Variants in ADAMTS9 observed in about 807,000 individuals in gnomAD.
ADAMTS9 encodes ADAM metallopeptidase with thrombospondin type 1 motif 9, also known as A disintegrin and metalloproteinase with thrombospondin motifs 9.
ADAMTS9 carries 107 observed loss-of-function variants against 257.1 expected under a neutral mutation model. The ratio of observed to expected loss-of-function variants is 0.42; its 90% CI spans 0.36 to 0.49. The LOEUF (loss-of-function observed/expected upper bound fraction) is 0.49. ADAMTS9 is among the 20% of genes least tolerant of loss of function. ADAMTS9 has a pLI of 0.03. For missense variants in ADAMTS9, 2,353 were observed against 2,469.1 expected, an observed-to-expected ratio of 0.95 and a Z score of 1.00; for synonymous variants, 982 against 880.9, an observed-to-expected ratio of 1.11 and a Z score of -2.03.
Position 64,533,199 on chromosome 3 carries a change from C to T in ADAMTS9, c.5685G>A (p.Gly1895=). The change falls in exon 38 of 40, where the codon GGG becomes GGA. Residue 1895 remains glycine (G), a synonymous_variant. Transcript: ENST00000498707. ...LTESARWISQ[G]NYAVSDIKKS... ...TCTTGATGTCAGAGACAGCATAATT[C>T]CCTTGTGATATCCATCTGGCAGATT... 1 of 1,614,120 alleles carries T rather than the reference C, an allele frequency of 6.2e-7. No homozygotes were observed. Among genetic ancestry groups the T allele is most frequent in the Non-Finnish European group, 8.5e-7 (1 of 1,179,992 alleles).
Position 64,550,989 on chromosome 3 carries a change from T to C in ADAMTS9, c.4772A>G (p.His1591Arg), listed in dbSNP as rs548709385. The change falls in exon 31 of 40, where the codon CAT becomes CGT. Residue 1591 changes from histidine (H) to arginine (R), a missense_variant. Around this residue, in one of 3 missense-constraint regions of ADAMTS9, gnomAD observed 1,402 missense variants for 1,441.4 expected, o/e 0.97. Transcript: ENST00000498707. Reference sequence around the variant, plus strand: ...CTTGCTCACGTCACAGCGTGCCCCATGCACCTCGTTTTTGTTGTCATCCAC... The same window carrying C: ...CTTGCTCACGTCACAGCGTGCCCCACGCACCTCGTTTTTGTTGTCATCCAC... ...VCVDDNKNEV[H>R]GARCDVSKRP... The C allele has an allele frequency of 7.9e-5, 128 of 1,614,106 alleles. No individual in the cohort carries two copies. In the South Asian group the frequency reaches 1.0e-3, roughly 13 times the overall value.
In ADAMTS9 at chr3:64,533,283, A is replaced by T; in HGVS notation, c.5614-13T>A. 6.2e-7 allele frequency: 1 copy of T among 1,609,276 alleles called. No individual in the cohort carries two copies. The highest frequency in any genetic ancestry group is 8.5e-7 in the Non-Finnish European group (1 of 1,175,646). On this transcript the variant is annotated splice_polypyrimidine_tract_variant and intron_variant, in intron 37 of 39. Coordinates refer to ENST00000498707, the MANE Select transcript of ADAMTS9 (RefSeq NM_182920.2). ...TGCTAAAACGACCCTGGAAAACACG[A>T]CCAACAAAAGAGATTTTCAGTCCAT... is the stretch of plus-strand genomic sequence containing the variant.
At chr3:64,629,729 T>A (rs1234141954) in intron 16 of ADAMTS9, among the ~76,000 whole-genome samples, 1 of 152,110 alleles carries the variant, frequency 6.6e-6, no homozygotes, top group Non-Finnish European at 1.5e-5. Context: ...AGACACAAAT[T>A]TTTTTTTATC....
intron 22 of ADAMTS9, among the ~76,000 whole-genome samples, chr3:64,609,135 C>A (rs1320299255): frequency 2.0e-5 from 3 of 151,814 alleles, no homozygotes; most frequent in Non-Finnish European, 2.9e-5. Context: ...TCATAAAGAG[C>A]AGTTAGGAAA....
At chr3:64,654,677 T>G in intron 6 of ADAMTS9, 65 bp from the exon 7 acceptor site, 1 of 1,568,842 alleles carries the variant, frequency 6.4e-7, no homozygotes, top group Non-Finnish European at 8.8e-7. Context: ...AAGTAAATAC[T>G]TTAGGGTCGT....
At chr3:64,561,817 C>A in intron 29 of ADAMTS9, 66 bp from the exon 30 acceptor site, 4 of 1,417,274 alleles carry the variant, frequency 2.8e-6, no homozygotes, top group Non-Finnish European at 2.9e-6. Flanking sequence ...CGGGGGGTGT[C>A]GAGGGTCACA....
At chr3:64,594,653 T>C (rs1651533643) in intron 27 of ADAMTS9, among the ~76,000 whole-genome samples, 1 of 152,234 alleles carries the variant, frequency 6.6e-6, no homozygotes, top group Non-Finnish European at 1.5e-5. Flanking sequence ...TTCTCTTAAC[T>C]TGCACTGAGG....
At position 64,541,971 on chromosome 3, in the gene ADAMTS9, C is replaced by T. The variant is rs1428287970; in HGVS notation, c.5065-1G>A. The T allele has an allele frequency of 8.1e-6, 13 of 1,613,840 alleles. No homozygotes were observed. The highest frequency in any genetic ancestry group is 1.7e-6 in the Non-Finnish European group (2 of 1,179,954). On this transcript the variant is annotated splice_acceptor_variant, in intron 32 of 39. Coordinates refer to ENST00000498707, the MANE Select transcript of ADAMTS9 (RefSeq NM_182920.2). LOFTEE classifies it high-confidence loss of function. Reference sequence around the variant, plus strand: ...CTCCAACACCACAAGACACTGAGCACTGTAAGACAAATGAGAGTCAGCGGT... The same window carrying T: ...CTCCAACACCACAAGACACTGAGCATTGTAAGACAAATGAGAGTCAGCGGT...
chr3:64,589,605 A>G lies in ADAMTS9; in HGVS notation c.4356+4653T>C, dbSNP rs2084221896. 4 of 152,294 alleles carry G rather than the reference A, an allele frequency of 2.6e-5. No homozygotes were observed. The South Asian group carries it at 8.3e-4, about 32-fold the overall frequency. The allele number at this position is 152,294 out of a possible 1,614,324, so 9.4% of individuals were successfully genotyped here. ...CTATTGTTATCTTCATTTCCTTTGG[A>G]GAAGTTATCTTATTTCTCACCTTAT... On this transcript the variant is annotated intron_variant, in intron 28 of 39. Transcript: ENST00000498707.
Position 64,646,772 on chromosome 3 carries a change from T to C in ADAMTS9, c.1710+1168A>G, listed in dbSNP as rs138220892. On this transcript the variant is annotated intron_variant, in intron 11 of 39. Transcript: ENST00000498707. ...CTTCCTCTTTGACCAGCAGAAACTA[T>C]AGGAGCTCAGTGAGCTTCAGTTAGG... is the stretch of plus-strand genomic sequence containing the variant. Among the ~76,000 whole-genome samples, 466 of 152,302 alleles carry C rather than the reference T, an allele frequency of 3.1e-3. 3 individuals are homozygous for C. The highest frequency in any genetic ancestry group is 0.011 in the African/African-American group (453 of 41,558).
chr3:64,631,980 G>C (rs1700377303), intron 14 of ADAMTS9, 55 bp from the exon 15 acceptor site: 1 of 1,294,302 alleles, frequency 7.7e-7, no homozygotes, highest in Non-Finnish European at 1.1e-6. Flanking sequence ...ATTATAAAAT[G>C]GCAAATAATG....
intron 24 of ADAMTS9, 22 bp from the exon 25 acceptor site, chr3:64,604,111 T>G (rs758612431): frequency 1.9e-6 from 3 of 1,613,500 alleles, no homozygotes; most frequent in Non-Finnish European, 1.7e-6. Context: ...AGTAAAATCA[T>G]GCAGTTATAT....
intron 32 of ADAMTS9, among the ~76,000 whole-genome samples, chr3:64,543,568 CACTTCATG>C (rs1488840261): frequency 1.3e-5 from 2 of 152,178 alleles, no homozygotes; most frequent in Non-Finnish European, 2.9e-5. Context: ...AATTCAACAG[CACTTCATG>C]CTAAAAACTC....
At position 64,681,484 on chromosome 3, in the gene ADAMTS9, G is replaced by T; in HGVS notation, c.517-121C>A. ...TTTACCCAATCTCTTTTTCAGGAGG[G>T]TTGTTTCAACTGAAAATGCTGCAAC... is the stretch of plus-strand genomic sequence containing the variant. On this transcript the variant is annotated intron_variant, in intron 2 of 39. Transcript: ENST00000498707. 2.8e-6 allele frequency: 3 copies of T among 1,072,370 alleles called. 1 individual carries two copies. In the South Asian group the frequency reaches 5.6e-5, roughly 20 times the overall value. 66.4% of individuals were successfully genotyped at this position (1,072,370 alleles called of 1,614,324 possible).
At chr3:64,630,146 T>C (rs573652031) in intron 16 of ADAMTS9, among the ~76,000 whole-genome samples, 1 of 133,554 alleles carries the variant, frequency 7.5e-6, no homozygotes, top group South Asian at 2.4e-4. Context: ...CTGGGAAGAG[T>C]TTTGTGTAAG....
intron 37 of ADAMTS9, among the ~76,000 whole-genome samples, chr3:64,538,692 C>T (rs1209773585): frequency 6.6e-6 from 1 of 152,108 alleles, no homozygotes; most frequent in African/African-American, 2.4e-5. Context: ...TTGGCACGTG[C>T]TTGAACTGGC....
In ADAMTS9 at chr3:64,607,001, C is replaced by T. The variant is rs1478922430; in HGVS notation, c.3433G>A (p.Asp1145Asn). The T allele has an allele frequency of 8.1e-6, 13 of 1,613,798 alleles. No homozygotes were observed. The highest frequency in any genetic ancestry group is 1.1e-5 in the Non-Finnish European group (13 of 1,179,844). Reference protein sequence around the residue: ...IIGTYMSVVDDNDCNAATRPT... With the variant: ...IIGTYMSVVDNNDCNAATRPT... The stretch of plus-strand genomic sequence containing the variant: ...CTAGTTGCTGCATTACAGTCATTGT[C>T]ATCTACCACTGACATATAAGTCCCA... Residue 1145 changes from aspartate to asparagine, a missense_variant, in exon 23 of 40, where the codon GAC becomes AAC. By Grantham distance (23) the Asp-to-Asn change is conservative (BLOSUM62 1). This residue lies in a region of ADAMTS9 where 1,402 missense variants were observed against 1,441.4 expected (regional missense o/e 0.97). Transcript: ENST00000498707.
intron 25 of ADAMTS9, among the ~76,000 whole-genome samples, chr3:64,603,491 C>A (rs2084502606): frequency 6.6e-6 from 1 of 152,122 alleles, no homozygotes; most frequent in Non-Finnish European, 1.5e-5. Flanking sequence ...TCCCACTTCC[C>A]ATTCTTGTCA....
intron 28 of ADAMTS9, among the ~76,000 whole-genome samples, chr3:64,592,155 T>A (rs993787731): frequency 6.6e-5 from 10 of 152,230 alleles, no homozygotes; most frequent in Non-Finnish European, 1.3e-4. Flanking sequence ...AAGAAAATGC[T>A]TTTGATTTAA....
Sources: allele counts gnomAD v4.1 joint callset (sites outside exome capture counted in the v4.1 genomes callset), GRCh38; gene constraint gnomAD v4.1.1; regional missense constraint gnomAD v4.1.1; transcripts MANE v1.5; gene names NCBI Gene and HGNC (gene_info 2026-07-23, HGNC 2026-07-21).